Variants in RBFOX1 observed in about 807,000 individuals in gnomAD.
RBFOX1 encodes RNA binding protein fox-1 homolog 1.
RBFOX1 carries 8 observed loss-of-function variants against 57.7 expected under a neutral mutation model. That is an observed-to-expected ratio of 0.14 (90% confidence interval 0.08 to 0.25). RBFOX1 has a LOEUF of 0.25. RBFOX1 is among the 10% of genes least tolerant of loss of function. The pLI is 1.00. For synonymous variants in RBFOX1, 326 were observed against 222.4 expected, an observed-to-expected ratio of 1.47 and a Z score of -4.15; for missense variants, 611 against 548.5, an observed-to-expected ratio of 1.11 and a Z score of -1.14.
intron 2 of RBFOX1, among the ~76,000 whole-genome samples, chr16:5,568,145 T>G (rs1225128678): frequency 6.6e-6 from 1 of 152,202 alleles, no homozygotes; most frequent in African/African-American, 2.4e-5. Flanking sequence ...TACTCAGCAT[T>G]GCATTCAAAT....
At chr16:6,220,110 A>G (rs1360690555) in intron 1 of RBFOX1, among the ~76,000 whole-genome samples, 2 of 151,948 alleles carry the variant, frequency 1.3e-5, no homozygotes, top group Non-Finnish European at 2.9e-5. Flanking sequence ...ATATAAGGGT[A>G]TTTATCATTT....
chr16:5,963,203 G>T (rs1027162645), intron 4 of RBFOX1, among the ~76,000 whole-genome samples: 7 of 152,192 alleles, frequency 4.6e-5, no homozygotes, highest in Admixed American at 2.0e-4. Context: ...TAATGCTGCT[G>T]TATCAAACCC....
chr16:7,135,675 G>A (rs747242260), intron 4 of RBFOX1, among the ~76,000 whole-genome samples: 4 of 152,214 alleles, frequency 2.6e-5, no homozygotes, highest in African/African-American at 9.6e-5. Flanking sequence ...TAATCGTCTG[G>A]TTCATTCCAA....
chr16:5,308,421 G>A (rs1441247548), intron 1 of RBFOX1, among the ~76,000 whole-genome samples: 2 of 152,080 alleles, frequency 1.3e-5, no homozygotes, highest in Non-Finnish European at 2.9e-5. Context: ...CAACACCCCA[G>A]TGGTGGTGAT....
chr16:7,069,096 C>G (rs1456823585), intron 4 of RBFOX1, among the ~76,000 whole-genome samples: 1 of 152,208 alleles, frequency 6.6e-6, no homozygotes, highest in Non-Finnish European at 1.5e-5. Flanking sequence ...CATCAGATCC[C>G]TGACATTATT....
At chr16:5,679,934 C>T (rs528856463) in intron 3 of RBFOX1, among the ~76,000 whole-genome samples, 51 of 152,294 alleles carry the variant, frequency 3.3e-4, no homozygotes, top group African/African-American at 1.1e-3. Context: ...ATTCATGCTT[C>T]CTGTCATTGC....
chr16:5,530,712 A>T (rs2044432540), intron 2 of RBFOX1, among the ~76,000 whole-genome samples: 4 of 152,084 alleles, frequency 2.6e-5, no homozygotes, highest in Admixed American at 2.6e-4. Flanking sequence ...TACCAAAAAC[A>T]TCTCTAAACA....
rs373941454 is a variant in RBFOX1 at position 6,907,895 on chromosome 16, G to A, written c.-15-144162G>A. Among the ~76,000 whole-genome samples, 9 of 151,826 alleles carry A rather than the reference G, an allele frequency of 5.9e-5. No homozygotes were observed. In the East Asian group the frequency reaches 1.2e-3, roughly 20 times the overall value. On this transcript the variant is annotated intron_variant, in intron 3 of 15. Coordinates refer to ENST00000550418, the MANE Select transcript of RBFOX1 (RefSeq NM_018723.4). ...GGCCAGCTTCTGTGGTTGGCTGGCA[G>A]TCATGGGTGCTCCTTGCTTGTAGAT...
rs930013798 is a variant in RBFOX1, at chr16:7,666,406, T to C, written c.930+1438T>C. On this transcript the variant is annotated intron_variant, in intron 13 of 15. Transcript: ENST00000550418. ...CTACCCAAGAAAAAAAAAATGCAGATTTTCCTGAGTTTAGTTAAAAGTATT... is the reference window on the plus strand; with the variant it reads ...CTACCCAAGAAAAAAAAAATGCAGACTTTCCTGAGTTTAGTTAAAAGTATT... Among the ~76,000 whole-genome samples, 9 of 151,990 alleles carry C rather than the reference T, an allele frequency of 5.9e-5. 2 individuals are homozygous for C. The highest frequency in any genetic ancestry group is 1.9e-4 in the East Asian group (1 of 5,156).
At chr16:5,942,943 C>G (rs1402048092) in intron 4 of RBFOX1, among the ~76,000 whole-genome samples, 1 of 152,184 alleles carries the variant, frequency 6.6e-6, no homozygotes, top group East Asian at 1.9e-4. Flanking sequence ...TGAGCCTACA[C>G]TGTCTCGGGC....
At chr16:7,376,508 C>T (rs1476733108) in intron 4 of RBFOX1, among the ~76,000 whole-genome samples, 1 of 152,178 alleles carries the variant, frequency 6.6e-6, no homozygotes, top group Non-Finnish European at 1.5e-5. Context: ...GTGTTTACCA[C>T]AGCTCTGTGT....
intron 4 of RBFOX1, among the ~76,000 whole-genome samples, chr16:5,997,184 C>T (rs887459066): frequency 4.6e-5 from 7 of 152,016 alleles, no homozygotes; most frequent in Admixed American, 1.3e-4. Flanking sequence ...CTCCATTGTC[C>T]AAACCTACCA....
At chr16:6,043,176 G>T (rs1190163147) in intron 1 of RBFOX1, among the ~76,000 whole-genome samples, 1 of 133,082 alleles carries the variant, frequency 7.5e-6, no homozygotes, top group Admixed American at 7.9e-5. Flanking sequence ...AAGGGGCGTT[G>T]TGGAAACCAA....
At chr16:6,059,371 T>C (rs1192962471) in intron 1 of RBFOX1, 1 of 152,188 alleles carries the variant, frequency 6.6e-6, no homozygotes, top group African/African-American at 2.4e-5. Context: ...GGGTGATTTA[T>C]ATAGAGATGA....
chr16:5,743,209 T>C (rs2052842362), intron 3 of RBFOX1, among the ~76,000 whole-genome samples: 1 of 152,176 alleles, frequency 6.6e-6, no homozygotes, highest in Non-Finnish European at 1.5e-5. Flanking sequence ...TCTGTGAATC[T>C]GAACAAATAG....
chr16:6,817,295 C>G (rs932989381), intron 3 of RBFOX1, among the ~76,000 whole-genome samples: 1 of 152,110 alleles, frequency 6.6e-6, no homozygotes, highest in Admixed American at 6.5e-5. Flanking sequence ...TAGCTTCAAA[C>G]ACATTTAACC....
chr16:5,562,311 C>T (rs1490786062), intron 2 of RBFOX1, among the ~76,000 whole-genome samples: 2 of 152,198 alleles, frequency 1.3e-5, no homozygotes, highest in Non-Finnish European at 2.9e-5. Flanking sequence ...AGAAGTCAGA[C>T]AGCTGCCCGA....
chr16:5,243,792 C>G (rs9933194), intron 1 of RBFOX1, among the ~76,000 whole-genome samples: 2 of 152,058 alleles, frequency 1.3e-5, no homozygotes, highest in Non-Finnish European at 2.9e-5. Context: ...TCAGTTTTCT[C>G]ATCTATAAAA....
chr16:6,720,411 C>G (rs1050299854), intron 3 of RBFOX1, among the ~76,000 whole-genome samples: 1 of 152,170 alleles, frequency 6.6e-6, no homozygotes, highest in Non-Finnish European at 1.5e-5. Flanking sequence ...ATGTAAATCT[C>G]TTTCTTTATA....
Sources: gnomAD v4.1 joint callset for allele counts (sites outside exome capture counted in the v4.1 genomes callset) on GRCh38, gnomAD v4.1.1 for gene constraint, MANE v1.5 for transcripts, NCBI Gene and HGNC (gene_info 2026-07-23, HGNC 2026-07-21) for gene names.